Variants in REEP3 observed in about 807,000 individuals in gnomAD.
REEP3 encodes receptor accessory protein 3, also known as receptor expression-enhancing protein 3.
In REEP3, 20 loss-of-function variants were observed where a neutral mutation model predicts 41.3. That is an observed-to-expected ratio of 0.48 (90% CI 0.34 to 0.70). The LOEUF (loss-of-function observed/expected upper bound fraction) is 0.70, where lower values mean the gene tolerates loss of function less well. Ranked by LOEUF, REEP3 falls within the 30% of genes least tolerant of loss-of-function variation. The pLI is 0.01. For missense variants in REEP3, 271 were observed against 308.8 expected, an observed-to-expected ratio of 0.88 and a Z score of 0.92; for synonymous variants, 104 against 101.8, an observed-to-expected ratio of 1.02 and a Z score of -0.13.
intron 1 of REEP3, among the ~76,000 whole-genome samples, chr10:63,550,051 A>G (rs1448951300): frequency 6.6e-6 from 1 of 152,242 alleles, no homozygotes; most frequent in Admixed American, 6.5e-5. Flanking sequence ...GATTTATCTG[A>G]CAGTGGACAC....
At chr10:63,611,113 G>T (rs1042331333) in intron 6 of REEP3, among the ~76,000 whole-genome samples, 1 of 152,096 alleles carries the variant, frequency 6.6e-6, no homozygotes, top group Non-Finnish European at 1.5e-5. Context: ...GCTGATTCTG[G>T]AGATCATCTA....
Position 63,610,273 on chromosome 10 carries a change from A to G in REEP3, c.504A>G (p.Arg168=). ...AAGGTGATGAGCCTGTGGGACAAAG[A>G]CCATACCAACCTCTACCAGAAGCAA... is the stretch of plus-strand genomic sequence containing the variant. ...TIQGDEPVGQ[R]PYQPLPEAKK... is the part of the protein sequence containing the mutation. Residue 168 remains arginine, a synonymous_variant, in exon 6 of 8, where the codon AGA becomes AGG. Coordinates refer to ENST00000373758, the MANE Select transcript of REEP3 (RefSeq NM_001001330.3). 1 of 1,588,036 alleles carries G rather than the reference A, an allele frequency of 6.3e-7. No homozygotes were observed. Among genetic ancestry groups the G allele is most frequent in the East Asian group, 2.3e-5 (1 of 44,326 alleles).
At chr10:63,607,302 TAC>T (rs1457442862) in intron 5 of REEP3, among the ~76,000 whole-genome samples, 1 of 152,210 alleles carries the variant, frequency 6.6e-6, no homozygotes, top group African/African-American at 2.4e-5. Flanking sequence ...TGCTTTTCCC[TAC>T]AGTGCCTGGC....
At chr10:63,575,374 C>T (rs1383605684) in intron 2 of REEP3, among the ~76,000 whole-genome samples, 3 of 152,050 alleles carry the variant, frequency 2.0e-5, no homozygotes, top group Admixed American at 1.3e-4. Flanking sequence ...TGCATGAGTC[C>T]GTTATAGTCA....
intron 5 of REEP3, among the ~76,000 whole-genome samples, chr10:63,603,205 C>T (rs1048176369): frequency 1.4e-5 from 2 of 146,406 alleles, no homozygotes; most frequent in Admixed American, 1.4e-4. Context: ...CCCAGCAACT[C>T]GGGAGGCTGA....
Position 63,581,478 on chromosome 10 carries a change from C to T in REEP3, c.106-13300C>T, listed in dbSNP as rs541934905. Among the ~76,000 whole-genome samples the T allele has an allele frequency of 9.9e-5, 15 of 152,178 alleles. No individual in the cohort carries two copies. The East Asian group carries it at 1.2e-3, about 12-fold the overall frequency. ...TCTCTTGGCTACGTGTGGCAACTCACGCCTGTAATCCCAGCACTTTGGGAG... is the reference window on the plus strand; with the variant it reads ...TCTCTTGGCTACGTGTGGCAACTCATGCCTGTAATCCCAGCACTTTGGGAG... On this transcript the variant is annotated intron_variant, in intron 2 of 7. Coordinates refer to ENST00000373758, the MANE Select transcript of REEP3 (RefSeq NM_001001330.3).
At chr10:63,527,539 G>A (rs1054746689) in intron 1 of REEP3, among the ~76,000 whole-genome samples, 1 of 151,914 alleles carries the variant, frequency 6.6e-6, no homozygotes, top group African/African-American at 2.4e-5. Flanking sequence ...AAATTAGCTG[G>A]GCGTGGTGGT....
chr10:63,598,837 A>G (rs1204748020), intron 4 of REEP3, among the ~76,000 whole-genome samples: 2 of 151,936 alleles, frequency 1.3e-5, no homozygotes, highest in African/African-American at 2.4e-5. Flanking sequence ...CATGCCTGTA[A>G]TCCCAACACT....
chr10:63,606,058 AC>A, intron 5 of REEP3: 1 of 800,414 alleles, frequency 1.2e-6, no homozygotes, highest in Non-Finnish European at 1.5e-6. Flanking sequence ...ATACTTAATT[AC>A]CTGGACTTTT....
intron 1 of REEP3, among the ~76,000 whole-genome samples, chr10:63,539,343 C>G (rs969721453): frequency 2.0e-5 from 3 of 152,070 alleles, no homozygotes; most frequent in Admixed American, 6.5e-5. Flanking sequence ...CCATACTGAC[C>G]CTTTGAATTT....
At chr10:63,581,299 T>C (rs1160069739) in intron 2 of REEP3, among the ~76,000 whole-genome samples, 1 of 152,124 alleles carries the variant, frequency 6.6e-6, no homozygotes, top group African/African-American at 2.4e-5. Context: ...AGATTGTAGC[T>C]AAATACATAA....
At chr10:63,562,101 A>G (rs1316653743) in intron 1 of REEP3, among the ~76,000 whole-genome samples, 2 of 152,148 alleles carry the variant, frequency 1.3e-5, no homozygotes, top group African/African-American at 4.8e-5. Context: ...CTCTAAACTG[A>G]AAAGCTCCTG....
rs1367996564 is a variant in REEP3 at position 63,621,423 on chromosome 10, CCACA to C, written c.*557_*560del. The C allele has an allele frequency of 6.6e-6, 1 of 152,596 alleles. No homozygotes were observed. Among genetic ancestry groups the C allele is most frequent in the Non-Finnish European group, 1.5e-5 (1 of 68,022 alleles). 9.5% of individuals were successfully genotyped at this position (152,596 alleles called of 1,614,324 possible). A position where few individuals can be genotyped will look rare whatever the true frequency, so the allele number is the denominator to read the frequency against. ...AAACAAATATTTGAAAACCAGGTAT[CCACA>C]CATAGCACTTTTATTCCTGACTAGT... On this transcript the variant is annotated 3_prime_UTR_variant, in exon 8 of 8. Transcript: ENST00000373758.
intron 6 of REEP3, among the ~76,000 whole-genome samples, 155 bp from the exon 7 acceptor site, chr10:63,619,500 G>A (rs1956336285): frequency 6.6e-6 from 1 of 152,204 alleles, no homozygotes. Context: ...GCGAGGCAAA[G>A]CTTAATGATA....
intron 2 of REEP3, among the ~76,000 whole-genome samples, chr10:63,575,124 G>T (rs2133383522): frequency 6.6e-6 from 1 of 152,190 alleles, no homozygotes. Context: ...AAAGTGCTGA[G>T]ATAACAGGCA....
At position 63,542,431 on chromosome 10, in the gene REEP3, A is replaced by G. The variant is rs116322947; in HGVS notation, c.32+20854A>G. ...TTTACTGCATCTCTAAAATGAGGAC[A>G]CATCTGTTCTTCATTAACTCACAGA... On this transcript the variant is annotated intron_variant, in intron 1 of 7. Transcript: ENST00000373758. 1.5e-3 allele frequency among the ~76,000 whole-genome samples: 234 copies of G among 152,312 alleles called. 1 individual carries two copies. Among genetic ancestry groups the G allele is most frequent in the African/African-American group, 5.4e-3 (224 of 41,572 alleles).
intron 6 of REEP3, among the ~76,000 whole-genome samples, chr10:63,611,485 TA>T (rs889080701): frequency 6.6e-6 from 1 of 152,174 alleles, no homozygotes; most frequent in Non-Finnish European, 1.5e-5. Flanking sequence ...TCTAAAACTT[TA>T]AAAAACTATC....
rs997400648 is a variant in REEP3 at position 63,562,693 on chromosome 10, C to A, written c.33-3645C>A. On this transcript the variant is annotated intron_variant, in intron 1 of 7. Transcript: ENST00000373758. ...AAGGAAGCCACCAGGCATGTACTGCCCTCTGCAGCAATCAATCAATTGGTA... is the reference window on the plus strand; with the variant it reads ...AAGGAAGCCACCAGGCATGTACTGCACTCTGCAGCAATCAATCAATTGGTA... The A allele has an allele frequency of 3.3e-5, 14 of 429,200 alleles. No homozygotes were observed. The Admixed American group carries it at 3.3e-4, about 10-fold the overall frequency. 26.6% of individuals were successfully genotyped at this position (429,200 alleles called of 1,614,324 possible).
Position 63,599,204 on chromosome 10 carries a change from G to T in REEP3, c.338G>T (p.Arg113Leu). 1.3e-6 allele frequency: 2 copies of T among 1,591,994 alleles called. No homozygotes were observed. The highest frequency in any genetic ancestry group is 1.7e-6 in the Non-Finnish European group (2 of 1,171,542). The change falls in exon 5 of 8, where the codon CGA becomes CTA. Residue 113 changes from arginine to leucine, a missense_variant. By Grantham distance (102) the Arg-to-Leu change is moderately radical. Transcript: ENST00000373758. The stretch of plus-strand genomic sequence containing the variant: ...GATTATATTGTACAAGCAAAGGAAC[G>T]AGGCTATGAAACCATGGTAAACTTT... Reference protein sequence around the residue: ...IDDYIVQAKERGYETMVNFGR... With the variant: ...IDDYIVQAKELGYETMVNFGR...
Sources: allele counts gnomAD v4.1 joint callset (sites outside exome capture counted in the v4.1 genomes callset), GRCh38; gene constraint gnomAD v4.1.1; transcripts MANE v1.5; gene names NCBI Gene and HGNC (gene_info 2026-07-23, HGNC 2026-07-21).